The following C6orf118 variants were observed in gnomAD, a reference collection of about 807,000 sequenced individuals.
C6orf118 encodes the protein chromosome 6 open reading frame 118, also known as uncharacterized protein C6orf118.
A neutral mutation model predicts 50.2 loss-of-function variants in C6orf118; 50 were observed. The observed-to-expected ratio is 1.00, with a 90% CI of 0.79 to 1.26. The LOEUF (loss-of-function observed/expected upper bound fraction) is 1.26, where lower values mean the gene tolerates loss of function less well. Among genes scored for constraint, C6orf118 ranks in the 50% most tolerant of loss-of-function variants. The pLI, the probability that C6orf118 is intolerant of heterozygous loss-of-function variation, is 0.00. For missense variants in C6orf118, 641 were observed against 578.7 expected, an observed-to-expected ratio of 1.11 and a Z score of -1.10; for synonymous variants, 239 against 230.9, an observed-to-expected ratio of 1.03 and a Z score of -0.32.
At chr6:165,289,845 C>T (rs1780043289) in intron 7 of C6orf118, 41 bp downstream of exon 7, 1 of 1,405,780 alleles carries the variant, frequency 7.1e-7, no homozygotes, top group African/African-American at 1.5e-5. Flanking sequence ...GGTCTTCAAG[C>T]AAAAGAATAA....
chr6:165,303,112 G>T (rs936828234), intron 1 of C6orf118, among the ~76,000 whole-genome samples: 2 of 152,178 alleles, frequency 1.3e-5, no homozygotes, highest in South Asian at 4.1e-4. Context: ...CCAAAGGGCA[G>T]CAGGCCCATC....
At chr6:165,306,850 G>T (rs534991650) in intron 1 of C6orf118, among the ~76,000 whole-genome samples, 2 of 152,176 alleles carry the variant, frequency 1.3e-5, no homozygotes, top group South Asian at 2.1e-4. Flanking sequence ...CCACATTCTT[G>T]TAATATATGC....
chr6:165,300,169 T>G (rs1327600695), intron 3 of C6orf118, among the ~76,000 whole-genome samples, 195 bp downstream of exon 3: 1 of 152,174 alleles, frequency 6.6e-6, no homozygotes, highest in Non-Finnish European at 1.5e-5. Flanking sequence ...GTTAACTGGG[T>G]GTTGATTCCA....
intron 7 of C6orf118, among the ~76,000 whole-genome samples, chr6:165,288,037 C>A (rs1779972191): frequency 1.3e-5 from 2 of 152,012 alleles, no homozygotes; most frequent in South Asian, 4.2e-4. Flanking sequence ...ATTTATCTGG[C>A]AAATGTCTAA....
intron 4 of C6orf118, among the ~76,000 whole-genome samples, chr6:165,298,617 AT>A (rs941680864): frequency 6.6e-6 from 1 of 152,160 alleles, no homozygotes; most frequent in Non-Finnish European, 1.5e-5. Flanking sequence ...TCATGCTCAC[AT>A]TTGACCGAGA....
Position 165,301,797 on chromosome 6 carries a change from T to G in C6orf118, c.525A>C (p.Glu175Asp), listed in dbSNP as rs1366603511. 3 of 1,613,972 alleles carry G rather than the reference T, an allele frequency of 1.9e-6. No homozygotes were observed. Among genetic ancestry groups the G allele is most frequent in the Admixed American group, 1.7e-5 (1 of 60,016 alleles). The change falls in exon 2 of 9, where the codon GAA becomes GAC. Residue 175 changes from glutamate to aspartate, a missense_variant. By Grantham distance (45) the Glu-to-Asp change is conservative (BLOSUM62 2). Coordinates refer to ENST00000230301, the MANE Select transcript of C6orf118 (RefSeq NM_144980.4). ...CCTTCAAGTCGGGCAGCCGGAGTTC[T>G]TCCCTCCTGCGCCATCCAGGAGGGC... is the stretch of plus-strand genomic sequence containing the variant. ...GRGPPGWRRR[E>D]ELRLPDLKVL...
At position 165,301,825 on chromosome 6, in the gene C6orf118, C is replaced by A. The variant is rs36007498; in HGVS notation, c.497G>T (p.Arg166Leu). Residue 166 changes from arginine (R) to leucine (L), a missense_variant, in exon 2 of 9, where the codon CGG becomes CTG. Transcript: ENST00000230301. ...CCTCCTGCGCCATCCAGGAGGGCCC[C>A]GTCCAGGAGGGCCTCCTTTCTTTTC... Reference protein sequence around the residue: ...KEEKKGGPPGRGPPGWRRREE... With the variant: ...KEEKKGGPPGLGPPGWRRREE... 2,446 of 1,613,866 alleles carry A rather than the reference C, an allele frequency of 1.5e-3. 38 individuals carry two copies. The African/African-American group carries it at 0.029, about 19-fold the overall frequency.
chr6:165,281,482 C>A, intron 8 of C6orf118, 158 bp downstream of exon 8: 1 of 1,386,730 alleles, frequency 7.2e-7, no homozygotes, highest in South Asian at 1.5e-5. Context: ...AATACTTACT[C>A]CTGCCTCTCT....
Position 165,289,954 on chromosome 6 carries a change from C to CT in C6orf118, c.1233dup (p.Glu412ArgfsTer3), listed in dbSNP as rs747936548. On this transcript the variant is annotated frameshift_variant, in exon 7 of 9. Coordinates refer to ENST00000230301, the MANE Select transcript of C6orf118 (RefSeq NM_144980.4). LOFTEE classifies it high-confidence loss of function. ...GTATGAACCAAAGTTGTTTTAATTTCTTTTTCCAGAGCTTGTATCTCATCC... is the reference window on the plus strand; with the variant it reads ...GTATGAACCAAAGTTGTTTTAATTTCTTTTTTCCAGAGCTTGTATCTCATCC... 71 of 1,610,956 alleles carry CT rather than the reference C, an allele frequency of 4.4e-5. No individual in the cohort carries two copies. The African/African-American group carries it at 7.1e-4, about 16-fold the overall frequency.
chr6:165,305,636 A>G (rs1021171298), intron 1 of C6orf118, among the ~76,000 whole-genome samples: 1 of 93,376 alleles, frequency 1.1e-5, no homozygotes, highest in Non-Finnish European at 1.9e-5. Context: ...AGAAAAAAAC[A>G]AACAACCCCA....
At chr6:165,287,937 C>A (rs1018766880) in intron 7 of C6orf118, among the ~76,000 whole-genome samples, 4 of 152,124 alleles carry the variant, frequency 2.6e-5, no homozygotes, top group Non-Finnish European at 4.4e-5. Context: ...ACAATGGGAT[C>A]TAATTAAACT....
In C6orf118 at chr6:165,299,482, C is replaced by G. The variant is rs754182603; in HGVS notation, c.897G>C (p.Met299Ile). The change falls in exon 4 of 9, where the codon ATG (methionine) becomes ATC (isoleucine). Residue 299 changes from methionine (M) to isoleucine (I), a missense_variant. By Grantham distance (10) the Met-to-Ile change is conservative. Coordinates refer to ENST00000230301, the MANE Select transcript of C6orf118 (RefSeq NM_144980.4). ...KKVKDEYELYMATLLESQPAA... is the reference protein window; with the variant it reads ...KKVKDEYELYIATLLESQPAA... ...CAGGCTGGGACTCCAGGAGCGTTGC[C>G]ATGTAGAGTTCATATTCATCCTGTA... is the stretch of plus-strand genomic sequence containing the variant. 1 of 1,614,034 alleles carries G rather than the reference C, an allele frequency of 6.2e-7. No individual in the cohort carries two copies.
chr6:165,280,145 G>GA lies in C6orf118; in HGVS notation c.1357-36dup, dbSNP rs59578364. ...CATAAGAAATGAATACCATAGGTTA[G>GA]AAAAAAATACATTAAGCATGAAATA... is the stretch of plus-strand genomic sequence containing the variant. On this transcript the variant is annotated intron_variant, in intron 8 of 8. Transcript: ENST00000230301. 1.4e-5 allele frequency: 20 copies of GA among 1,412,234 alleles called. No homozygotes were observed. The African/African-American group carries it at 1.5e-4, about 10-fold the overall frequency. 87.5% of individuals were successfully genotyped at this position (1,412,234 alleles called of 1,614,324 possible). A position where few individuals can be genotyped will look rare whatever the true frequency, so the allele number is the denominator to read the frequency against.
chr6:165,307,938 T>G (rs930165284), intron 1 of C6orf118, among the ~76,000 whole-genome samples: 1 of 152,142 alleles, frequency 6.6e-6, no homozygotes, highest in African/African-American at 2.4e-5. Flanking sequence ...CTTTTCAGAC[T>G]CCACTGAGAT....
intron 1 of C6orf118, 56 bp downstream of exon 1, chr6:165,309,506 C>T: frequency 6.2e-7 from 1 of 1,606,014 alleles, no homozygotes; most frequent in Non-Finnish European, 8.5e-7. Context: ...CATCCCTCCA[C>T]AATTGAACAT....
chr6:165,298,927 A>G (rs772003505), intron 4 of C6orf118, among the ~76,000 whole-genome samples: 1 of 152,234 alleles, frequency 6.6e-6, no homozygotes, highest in Non-Finnish European at 1.5e-5. Context: ...TATCTTAGCT[A>G]TCTTAGCTAC....
intron 5 of C6orf118, among the ~76,000 whole-genome samples, chr6:165,297,063 A>G (rs2128161092): frequency 6.6e-6 from 1 of 152,320 alleles, no homozygotes; most frequent in East Asian, 1.9e-4. Context: ...ATCCTCCACC[A>G]GCCCCCAAAG....
At position 165,302,109 on chromosome 6, in the gene C6orf118, C is replaced by T; in HGVS notation, c.213G>A (p.Gln71=). The change falls in exon 2 of 9, where the codon CAG becomes CAA. Residue 71 remains glutamine, a synonymous_variant. Coordinates refer to ENST00000230301, the MANE Select transcript of C6orf118 (RefSeq NM_144980.4). ...AGTGCTGTAAGATCGTCTCCGGAGG[C>T]TGGTAGAGCTTGTTGGGGTTCAGGT... ...SGHLNPNKLY[Q]PPETILQHWP... is the part of the protein sequence containing the mutation. The T allele has an allele frequency of 6.2e-7, 1 of 1,613,804 alleles. No homozygotes were observed. The highest frequency in any genetic ancestry group is 8.5e-7 in the Non-Finnish European group (1 of 1,180,012).
intron 2 of C6orf118, 56 bp downstream of exon 2, chr6:165,301,513 G>A (rs745966026): frequency 1.0e-5 from 16 of 1,550,482 alleles, no homozygotes; most frequent in East Asian, 9.0e-5. Context: ...GCACTGCACC[G>A]AGAGCTATGC....
Sources: gnomAD v4.1 joint callset for allele counts (sites outside exome capture counted in the v4.1 genomes callset) on GRCh38, gnomAD v4.1.1 for gene constraint, MANE v1.5 for transcripts, NCBI Gene and HGNC (gene_info 2026-07-23, HGNC 2026-07-21) for gene names.